Variants in KCNN2 observed in about 807,000 individuals in gnomAD.
KCNN2 encodes small conductance calcium-activated potassium channel protein 2.
KCNN2 carries 24 observed loss-of-function variants against 55.5 expected under a neutral mutation model. The observed-to-expected ratio is 0.43, with a 90% confidence interval of 0.31 to 0.61. The LOEUF is 0.61. Among genes scored for constraint, KCNN2 ranks in the 20% least tolerant of loss-of-function variants. The pLI is 0.08. For missense variants in KCNN2, 754 were observed against 853.6 expected, an observed-to-expected ratio of 0.88 and a Z score of 1.45; for synonymous variants, 431 against 336.1, an observed-to-expected ratio of 1.28 and a Z score of -3.09.
chr5:114,419,402 A>T (rs758028266), intron 3 of KCNN2, among the ~76,000 whole-genome samples: 2 of 152,246 alleles, frequency 1.3e-5, no homozygotes, highest in African/African-American at 4.8e-5. Flanking sequence ...CATTTTGTCA[A>T]ATTTGTTTTA....
intron 3 of KCNN2, among the ~76,000 whole-genome samples, chr5:114,423,725 T>C (rs978736388): frequency 6.6e-6 from 1 of 152,198 alleles, no homozygotes; most frequent in Admixed American, 6.5e-5. Context: ...AACTGTCATT[T>C]GAGAGAGAAG....
At chr5:114,469,716 CATTACTTAA>C (rs1308941827) in intron 4 of KCNN2, among the ~76,000 whole-genome samples, 1 of 152,108 alleles carries the variant, frequency 6.6e-6, no homozygotes, top group African/African-American at 2.4e-5. Flanking sequence ...AATATTATGC[CATTACTTAA>C]ATTACTATAA....
intron 2 of KCNN2, among the ~76,000 whole-genome samples, chr5:114,274,418 A>C (rs989904395): frequency 3.3e-5 from 5 of 152,190 alleles, no homozygotes; most frequent in Non-Finnish European, 7.3e-5. Context: ...TCTATAAATT[A>C]CTTTGGGCAG....
In KCNN2 at chr5:114,250,868, C is replaced by A. The variant is rs1054736208; in HGVS notation, c.-185+29303C>A. Among the ~76,000 whole-genome samples, 35 of 152,180 alleles carry A rather than the reference C, an allele frequency of 2.3e-4. 1 individual carries two copies. On this transcript the variant is annotated intron_variant, in intron 2 of 10. Transcript: ENST00000512097. ...CCATCCATAGACCATTCATTGCCCA[C>A]CCATAGTGATGAGTAGATTGTGCCT...
intron 3 of KCNN2, among the ~76,000 whole-genome samples, chr5:114,435,741 T>C (rs1466477951): frequency 6.6e-6 from 1 of 152,172 alleles, no homozygotes; most frequent in Non-Finnish European, 1.5e-5. Context: ...ACATCATGAG[T>C]AAATGTGAAA....
intron 2 of KCNN2, among the ~76,000 whole-genome samples, chr5:114,399,448 G>A (rs774213365): frequency 1.8e-4 from 28 of 152,116 alleles, no homozygotes; most frequent in Non-Finnish European, 3.1e-4. Context: ...GAGATAAAGC[G>A]TATTTGATTG....
chr5:114,364,516 A>G (rs1418042154), intron 2 of KCNN2, among the ~76,000 whole-genome samples: 13 of 152,316 alleles, frequency 8.5e-5, no homozygotes, highest in African/African-American at 2.9e-4. Context: ...CCACCATTAA[A>G]AAAAACTGTT....
At chr5:114,196,506 G>C (rs1313979266) in intron 1 of KCNN2, among the ~76,000 whole-genome samples, 2 of 151,950 alleles carry the variant, frequency 1.3e-5, no homozygotes, top group African/African-American at 4.8e-5. Flanking sequence ...TTTGTGGGAA[G>C]TTTTAAATTT....
chr5:114,090,185 T>C (rs1751108288), intron 1 of KCNN2, among the ~76,000 whole-genome samples: 1 of 152,176 alleles, frequency 6.6e-6, no homozygotes, highest in Non-Finnish European at 1.5e-5. Context: ...AAGGTGGTAT[T>C]TCTTATAGTT....
chr5:114,134,794 C>G (rs1752141876), intron 1 of KCNN2, among the ~76,000 whole-genome samples: 1 of 152,124 alleles, frequency 6.6e-6, no homozygotes, highest in Non-Finnish European at 1.5e-5. Flanking sequence ...TAATTCTTAT[C>G]TTCCTTACAG....
chr5:114,158,226 A>G (rs1181884379), intron 1 of KCNN2, among the ~76,000 whole-genome samples: 2 of 152,206 alleles, frequency 1.3e-5, no homozygotes, highest in African/African-American at 4.8e-5. Context: ...ACATATGACT[A>G]GCCAGTTTTC....
chr5:114,115,429 G>C (rs1279904804), intron 1 of KCNN2, among the ~76,000 whole-genome samples: 1 of 152,056 alleles, frequency 6.6e-6, no homozygotes, highest in African/African-American at 2.4e-5. Context: ...TGGAAACCTT[G>C]TATAATGGCA....
chr5:114,495,862 A>ATAAT (rs1362509593), intron 7 of KCNN2, 33 bp from the exon 8 acceptor site: 14 of 1,594,742 alleles, frequency 8.8e-6, no homozygotes, highest in Admixed American at 8.4e-5. Context: ...CAGGGCAAGT[A>ATAAT]TAATTAACCT....
intron 2 of KCNN2, among the ~76,000 whole-genome samples, chr5:114,366,745 A>G (rs1171299437): frequency 1.3e-5 from 2 of 152,166 alleles, no homozygotes; most frequent in African/African-American, 2.4e-5. Flanking sequence ...CTGTGGGTAT[A>G]TATGTTTTTT....
At chr5:114,263,376 T>C (rs1042373341) in intron 2 of KCNN2, among the ~76,000 whole-genome samples, 2 of 151,056 alleles carry the variant, frequency 1.3e-5, no homozygotes, top group African/African-American at 4.9e-5. Context: ...CAGAAAGTTG[T>C]TATTTATATT....
At chr5:114,397,553 A>G (rs1482658630) in intron 2 of KCNN2, among the ~76,000 whole-genome samples, 1 of 152,042 alleles carries the variant, frequency 6.6e-6, no homozygotes, top group Non-Finnish European at 1.5e-5. Context: ...TGCCCGGCTA[A>G]TTTTTGTATT....
chr5:114,474,863 G>C (rs931469425), intron 5 of KCNN2, among the ~76,000 whole-genome samples: 1 of 151,228 alleles, frequency 6.6e-6, no homozygotes, highest in Non-Finnish European at 1.5e-5. Context: ...ATACCATGTC[G>C]CCCATATGTT....
intron 3 of KCNN2, among the ~76,000 whole-genome samples, chr5:114,413,083 C>T (rs1437852949): frequency 6.6e-6 from 1 of 152,082 alleles, no homozygotes; most frequent in Non-Finnish European, 1.5e-5. Flanking sequence ...TTAAAATGGG[C>T]CCTTTCAAGT....
intron 2 of KCNN2, among the ~76,000 whole-genome samples, chr5:114,306,028 A>G (rs1342625938): frequency 6.6e-6 from 1 of 152,200 alleles, no homozygotes; most frequent in African/African-American, 2.4e-5. Flanking sequence ...ACAGCATAAT[A>G]TTCTTTGGTA....
Sources: gnomAD v4.1 joint callset for allele counts (sites outside exome capture counted in the v4.1 genomes callset) on GRCh38, gnomAD v4.1.1 for gene constraint, MANE v1.5 for transcripts, NCBI Gene and HGNC (gene_info 2026-07-23, HGNC 2026-07-21) for gene names.